SLC18B1: variants seen among roughly 807,000 people sequenced by gnomAD.
The protein encoded by SLC18B1 is MFS-type transporter SLC18B1.
In SLC18B1, 62 loss-of-function variants were observed where a neutral mutation model predicts 53.9. The observed-to-expected ratio is 1.15, with a 90% CI of 0.94 to 1.42. SLC18B1 has a LOEUF of 1.42. Among genes scored for constraint, SLC18B1 ranks in the 40% most tolerant of loss-of-function variants. The probability of loss-of-function intolerance (pLI) is 0.00; values close to 1 mark genes in which losing one functional copy is unlikely to be tolerated. For missense variants in SLC18B1, 598 were observed against 547.3 expected (o/e 1.09, Z -0.93); for synonymous variants, 217 against 200.9 (o/e 1.08, Z -0.68).
chr6:132,776,477 A>G, intron 7 of SLC18B1, 48 bp from the exon 8 acceptor site: 1 of 1,355,352 alleles, frequency 7.4e-7, no homozygotes, highest in Non-Finnish European at 1.0e-6. Context: ...GTCATTTTTA[A>G]GTAAACATCC....
At chr6:132,785,105 C>G (rs181113079) in intron 5 of SLC18B1, among the ~76,000 whole-genome samples, 126 of 145,690 alleles carry the variant, frequency 8.6e-4, no homozygotes, top group African/African-American at 3.1e-3. Flanking sequence ...TTCTCGTGCT[C>G]TCTCTCTCTC....
chr6:132,776,769 T>C (rs1171757017), intron 7 of SLC18B1, among the ~76,000 whole-genome samples: 1 of 152,212 alleles, frequency 6.6e-6, no homozygotes, highest in Non-Finnish European at 1.5e-5. Context: ...AAGAGATTCT[T>C]GGATTCCAAC....
At chr6:132,771,952 TGTG>T (rs1780985994) in intron 11 of SLC18B1, among the ~76,000 whole-genome samples, 177 bp downstream of exon 11, 1 of 151,948 alleles carries the variant, frequency 6.6e-6, no homozygotes, top group African/African-American at 2.4e-5. Flanking sequence ...ATTAGCCAGA[TGTG>T]GTGGTGGGCA....
rs1162749667 is a variant in SLC18B1, at chr6:132,784,012, G to C, written c.579C>G (p.Gly193=). The stretch of plus-strand genomic sequence containing the variant: ...CCAGAACAATAAAAGGCACTTCATA[G>C]CCAAAGGATTGATACAAAAAGCCAC... The part of the protein sequence containing the change: ...PVGGFLYQSF[G]YEVPFIVLGC... Residue 193 remains glycine, a synonymous_variant, in exon 6 of 14, where the codon GGC becomes GGG. Transcript: ENST00000275227. The C allele has an allele frequency of 1.9e-6, 3 of 1,611,478 alleles. No homozygotes were observed. The South Asian group carries it at 3.3e-5, about 18-fold the overall frequency.
In SLC18B1 at chr6:132,785,897, C is replaced by CAA. The variant is rs71545048; in HGVS notation, c.501+1535_501+1536dup. 1.1e-3 allele frequency among the ~76,000 whole-genome samples: 93 copies of CAA among 81,136 alleles called. 1 individual carries two copies. Among genetic ancestry groups the CAA allele is most frequent in the Admixed American group, 2.4e-3 (17 of 7,148 alleles). The allele number at this position is 81,136 out of a possible 152,430, so 53.2% of individuals were successfully genotyped here. On this transcript the variant is annotated intron_variant, in intron 5 of 13. Transcript: ENST00000275227. ...GCAACTCAGCAAGACCCTGTCTCTA[C>CAA]AAAAAAAAAAAAAAAAAAAGAAAGA...
intron 2 of SLC18B1, 106 bp downstream of exon 2, chr6:132,796,876 T>C: frequency 2.4e-6 from 3 of 1,224,712 alleles, no homozygotes; most frequent in Non-Finnish European, 3.3e-6. Flanking sequence ...CTGTCCTATA[T>C]GCAGATTTTT....
intron 6 of SLC18B1, among the ~76,000 whole-genome samples, chr6:132,782,115 G>A (rs1359390842): frequency 1.3e-5 from 2 of 151,386 alleles, no homozygotes; most frequent in Admixed American, 6.6e-5. Context: ...TTGATCCTGG[G>A]AGGCGGAGGT....
chr6:132,796,998 G>T lies in SLC18B1; in HGVS notation c.167C>A (p.Pro56Gln), dbSNP rs138609136. The change falls in exon 2 of 14, where the codon CCG becomes CAG. Residue 56 changes from proline (P) to glutamine (Q), a missense_variant. Coordinates refer to ENST00000275227, the MANE Select transcript of SLC18B1 (RefSeq NM_052831.3). ...GSMMCYSILG[P>Q]FFPKEAEKKG... The stretch of plus-strand genomic sequence containing the variant: ...ATGTCTTACCTCTTTGGGGAAAAAC[G>T]GTCCAAGTATAGAATAGCACATCAT... 88 of 1,612,706 alleles carry T rather than the reference G, an allele frequency of 5.5e-5. 1 individual carries two copies. In the East Asian group the frequency reaches 1.1e-3, roughly 20 times the overall value.
intron 2 of SLC18B1, 130 bp from the exon 3 acceptor site, chr6:132,790,402 T>C (rs1185121131): frequency 5.3e-6 from 3 of 566,506 alleles, no homozygotes; most frequent in African/African-American, 1.9e-5. Context: ...AAGATTATTC[T>C]TTTAAAATAA....
Position 132,784,019 on chromosome 6 carries a change from G to A in SLC18B1, c.572C>T (p.Ser191Phe), listed in dbSNP as rs539111087. 4.3e-6 allele frequency: 7 copies of A among 1,610,504 alleles called. No individual in the cohort carries two copies. Among genetic ancestry groups the A allele is most frequent in the African/African-American group, 1.3e-5 (1 of 74,690 alleles). The change falls in exon 6 of 14, where the codon TCC becomes TTC. Residue 191 changes from serine to phenylalanine, a missense_variant. Coordinates refer to ENST00000275227, the MANE Select transcript of SLC18B1 (RefSeq NM_052831.3). ...AATAAAAGGCACTTCATAGCCAAAG[G>A]ATTGATACAAAAAGCCACCTACAGG... ...GPPVGGFLYQ[S>F]FGYEVPFIVL...
At position 132,771,274 on chromosome 6, in the gene SLC18B1, T is replaced by G. The variant is rs78375634; in HGVS notation, c.1161-145A>C. 5,513 of 652,182 alleles carry G rather than the reference T, an allele frequency of 8.5e-3. 217 individuals carry two copies. The African/African-American group carries it at 0.093, about 11-fold the overall frequency. The allele number at this position is 652,182 out of a possible 1,614,324, so 40.4% of individuals were successfully genotyped here. On this transcript the variant is annotated intron_variant, in intron 11 of 13. Transcript: ENST00000275227. Reference sequence around the variant, plus strand: ...TAAAGCTAATTCCTGGGCACAGCATTCAGTAAAAGAAAATAATTCTACCTG... The same window carrying G: ...TAAAGCTAATTCCTGGGCACAGCATGCAGTAAAAGAAAATAATTCTACCTG...
intron 10 of SLC18B1, among the ~76,000 whole-genome samples, 195 bp from the exon 11 acceptor site, chr6:132,772,401 T>C (rs890306031): frequency 7.2e-5 from 11 of 152,282 alleles, no homozygotes; most frequent in South Asian, 4.1e-4. Flanking sequence ...CATGGTTTTC[T>C]AGAAATAATT....
At chr6:132,778,908 A>G (rs534820312) in intron 7 of SLC18B1, among the ~76,000 whole-genome samples, 1 of 152,348 alleles carries the variant, frequency 6.6e-6, no homozygotes, top group African/African-American at 2.4e-5. Flanking sequence ...AGCACATCTC[A>G]CATCAAATGA....
At chr6:132,772,560 A>G (rs765614978) in intron 10 of SLC18B1, among the ~76,000 whole-genome samples, 4 of 152,194 alleles carry the variant, frequency 2.6e-5, no homozygotes, top group Non-Finnish European at 4.4e-5. Context: ...CCTTATTCCC[A>G]TGAGAACTAT....
At chr6:132,771,655 G>A (rs912838919) in intron 11 of SLC18B1, among the ~76,000 whole-genome samples, 7 of 152,184 alleles carry the variant, frequency 4.6e-5, no homozygotes, top group Admixed American at 3.3e-4. Context: ...ATTGTTGAGT[G>A]AAAGGGTATG....
chr6:132,792,278 AGAAAGGAAGAAAGGAAGGAAG>A (rs1781553107), intron 2 of SLC18B1, among the ~76,000 whole-genome samples: 1 of 60,344 alleles, frequency 1.7e-5, no homozygotes, highest in African/African-American at 1.1e-4. Context: ...AAAGAAAGAA[AGAAAGGAAGAAAGGAAGGAAG>A]GAAGGAAGGA....
At chr6:132,787,790 CATA>C (rs1781416305) in intron 4 of SLC18B1, among the ~76,000 whole-genome samples, 1 of 151,982 alleles carries the variant, frequency 6.6e-6, no homozygotes. Context: ...CCATTTGAGT[CATA>C]ATGACAGCTT....
At chr6:132,790,094 A>G (rs6930549) in intron 3 of SLC18B1, 83 bp downstream of exon 3, 25,767 of 1,000,922 alleles carry the variant, frequency 0.026, 430 homozygotes, top group South Asian at 0.05. Context: ...TTCTGTATCA[A>G]TGCAAATTCT....
chr6:132,797,229 A>T, intron 1 of SLC18B1, 108 bp from the exon 2 acceptor site: 1 of 1,359,264 alleles, frequency 7.4e-7, no homozygotes, highest in Admixed American at 2.1e-5. Context: ...ATCATTTGCT[A>T]AGCTTAGGGC....
Sources: allele counts gnomAD v4.1 joint callset (sites outside exome capture counted in the v4.1 genomes callset), GRCh38; gene constraint gnomAD v4.1.1; transcripts MANE v1.5; gene names NCBI Gene and HGNC (gene_info 2026-07-23, HGNC 2026-07-21).